Variants in REXO2 observed in about 807,000 individuals in gnomAD.
The protein encoded by REXO2 is RNA exonuclease 2.
REXO2 carries 17 observed loss-of-function variants against 30.9 expected under a neutral mutation model. The observed-to-expected ratio is 0.55, with a 90% CI of 0.38 to 0.82. The LOEUF (loss-of-function observed/expected upper bound fraction) is 0.82. Among genes scored for constraint, REXO2 ranks in the 40% least tolerant of loss-of-function variants. The pLI is 0.00. For synonymous variants in REXO2, 105 were observed against 99.6 expected (o/e 1.05, Z -0.32); for missense variants, 253 against 293.2 (o/e 0.86, Z 1.00).
intron 3 of REXO2, 183 bp from the exon 4 acceptor site, chr11:114,444,358 C>T: frequency 1.6e-6 from 1 of 638,046 alleles, no homozygotes; most frequent in South Asian, 1.7e-5. Flanking sequence ...ACTAAGTTGG[C>T]TTGGATTCTT....
chr11:114,440,529 T>A, intron 1 of REXO2, 127 bp from the exon 2 acceptor site: 1 of 686,950 alleles, frequency 1.5e-6, no homozygotes, highest in Non-Finnish European at 2.5e-6. Flanking sequence ...AGGAGCATTC[T>A]TTCTCTTCTG....
chr11:114,440,779 G>A lies in REXO2; in HGVS notation c.231+40G>A, dbSNP rs200061901. The A allele has an allele frequency of 2.9e-3, 4,056 of 1,404,984 alleles. 12 individuals carry two copies. Among genetic ancestry groups the A allele is most frequent in the Non-Finnish European group, 3.7e-3 (3,655 of 998,950 alleles). 87.0% of individuals were successfully genotyped at this position (1,404,984 alleles called of 1,614,324 possible). On this transcript the variant is annotated intron_variant, in intron 2 of 6. Transcript: ENST00000265881. ...GTAATACAGTCATACTTTTTAAAGG[G>A]CACTGGAAATATAACCATCATTTTT...
chr11:114,439,851 G>C, intron 1 of REXO2, 176 bp downstream of exon 1: 1 of 717,368 alleles, frequency 1.4e-6, no homozygotes, highest in East Asian at 2.9e-5. Context: ...GCGGGTGTTG[G>C]GCGCCGTGCT....
chr11:114,449,492 T>C (rs1946532228), intron 6 of REXO2, among the ~76,000 whole-genome samples: 1 of 152,140 alleles, frequency 6.6e-6, no homozygotes, highest in Non-Finnish European at 1.5e-5. Context: ...TACACATTAG[T>C]ATATTAAATG....
chr11:114,444,436 G>A, intron 3 of REXO2, 105 bp from the exon 4 acceptor site: 1 of 781,296 alleles, frequency 1.3e-6, no homozygotes, highest in Non-Finnish European at 2.2e-6. Context: ...TGGTCTATTT[G>A]TGGTTATATT....
Position 114,439,638 on chromosome 11 carries a change from A to C in REXO2, c.110A>C (p.Glu37Ala), listed in dbSNP as rs552665587. The change falls in exon 1 of 7, where the codon GAG becomes GCG. Residue 37 changes from glutamate (E) to alanine (A), a missense_variant. Coordinates refer to ENST00000265881, the MANE Select transcript of REXO2 (RefSeq NM_015523.4). The part of the protein sequence containing the change: ...REGGAAMAAG[E>A]SMAQRMVWVD... ...GGTGGCGCAGCCATGGCGGCAGGGG[A>C]GAGCATGGCTCAGCGGATGGTCTGG... 6.3e-7 allele frequency: 1 copy of C among 1,592,628 alleles called. No individual in the cohort carries two copies. Among genetic ancestry groups the C allele is most frequent in the East Asian group, 2.3e-5 (1 of 43,954 alleles).
chr11:114,440,426 A>C (rs1469752959), intron 1 of REXO2, among the ~76,000 whole-genome samples: 2 of 152,148 alleles, frequency 1.3e-5, no homozygotes, highest in Non-Finnish European at 2.9e-5. Flanking sequence ...TCTGTCCCGG[A>C]GTAGAATCTC....
In REXO2 at chr11:114,450,026, G is replaced by C. The variant is rs566084666; in HGVS notation, c.*51G>C. The C allele has an allele frequency of 6.5e-7, 1 of 1,532,164 alleles. No individual in the cohort carries two copies. Among genetic ancestry groups the C allele is most frequent in the Admixed American group, 2.2e-5 (1 of 45,806 alleles). 94.9% of individuals were successfully genotyped at this position (1,532,164 alleles called of 1,614,324 possible). On this transcript the variant is annotated 3_prime_UTR_variant, in exon 7 of 7. Coordinates refer to ENST00000265881, the MANE Select transcript of REXO2 (RefSeq NM_015523.4). The stretch of plus-strand genomic sequence containing the variant: ...TCGTTATCTGGAGGCAACTTCTGGT[G>C]GTTTTTTTTTCTCACGCTGATGGCT...
At chr11:114,440,798 C>T in intron 2 of REXO2, 59 bp downstream of exon 2, 1 of 1,254,000 alleles carries the variant, frequency 8.0e-7, no homozygotes. Flanking sequence ...ATATAACCAT[C>T]ATTTTTTCCA....
chr11:114,449,865 G>C lies in REXO2; in HGVS notation c.604G>C (p.Glu202Gln), dbSNP rs778088938. The change falls in exon 7 of 7, where the codon GAA becomes CAA. Residue 202 changes from glutamate to glutamine, a missense_variant. Transcript: ENST00000265881. ...TTATAGGGCACTTGATGACATTAGT[G>C]AAAGCATCAAAGAGCTTCAGTTTTA... ...ASHRALDDIS[E>Q]SIKELQFYRN... is the part of the protein sequence containing the mutation. 13 of 1,609,674 alleles carry C rather than the reference G, an allele frequency of 8.1e-6. No individual in the cohort carries two copies. The highest frequency in any genetic ancestry group is 1.0e-5 in the Non-Finnish European group (12 of 1,177,850).
intron 2 of REXO2, chr11:114,441,990 G>A: frequency 1.8e-6 from 1 of 541,786 alleles, no homozygotes; most frequent in Non-Finnish European, 3.3e-6. Flanking sequence ...ACTTACCCTT[G>A]GCCGAAGAAG....
Position 114,443,837 on chromosome 11 carries a change from T to G in REXO2, c.232-19T>G, listed in dbSNP as rs1413681241. The G allele has an allele frequency of 1.9e-6, 3 of 1,587,498 alleles. No homozygotes were observed. Among genetic ancestry groups the G allele is most frequent in the Non-Finnish European group, 1.7e-6 (2 of 1,162,282 alleles). On this transcript the variant is annotated intron_variant, in intron 2 of 6. Coordinates refer to ENST00000265881, the MANE Select transcript of REXO2 (RefSeq NM_015523.4). ...ATTCCTGTTGTTTCTTGGTGACTGA[T>G]GGCGTTTCCCATCCACAGGGTCCTA...
At chr11:114,449,265 A>G (rs1052037485) in intron 6 of REXO2, 5 of 152,308 alleles carry the variant, frequency 3.3e-5, no homozygotes, top group Non-Finnish European at 7.3e-5. Flanking sequence ...GATGTTTATT[A>G]TGATGACTGA....
intron 1 of REXO2, chr11:114,440,096 T>G: frequency 2.1e-6 from 1 of 469,320 alleles, no homozygotes; most frequent in Non-Finnish European, 4.2e-6. Flanking sequence ...TTACCCCTCA[T>G]TCCATAAGTG....
chr11:114,440,589 A>G lies in REXO2; in HGVS notation c.148-67A>G, dbSNP rs767499817. 8.9e-5 allele frequency: 108 copies of G among 1,210,896 alleles called. 1 individual carries two copies. Among genetic ancestry groups the G allele is most frequent in the Non-Finnish European group, 2.5e-5 (21 of 832,128 alleles). The allele number at this position is 1,210,896 out of a possible 1,614,324, so 75.0% of individuals were successfully genotyped here. A position where few individuals can be genotyped will look rare whatever the true frequency, so the allele number is the denominator to read the frequency against. ...CTATGTTTGAGGGAATTCCTGTTAA[A>G]TAAACTTGGGTAAAAGAGGCCAGAA... On this transcript the variant is annotated intron_variant, in intron 1 of 6. Transcript: ENST00000265881.
At chr11:114,444,456 TA>T in intron 3 of REXO2, 84 bp from the exon 4 acceptor site, 1 of 957,464 alleles carries the variant, frequency 1.0e-6, no homozygotes, top group Non-Finnish European at 1.7e-6. Flanking sequence ...TTGCCCATTT[TA>T]AAAGTGAAAT....
At chr11:114,440,105 T>A (rs370557798) in intron 1 of REXO2, 2 of 466,904 alleles carry the variant, frequency 4.3e-6, no homozygotes, top group African/African-American at 2.0e-5. Context: ...ATTCCATAAG[T>A]GAGAACATTG....
intron 6 of REXO2, chr11:114,448,794 T>C (rs143867494): frequency 5.2e-5 from 8 of 152,382 alleles, no homozygotes; most frequent in Admixed American, 3.9e-4. Flanking sequence ...TAGCCTCACA[T>C]TAAGATTGCT....
chr11:114,439,467 G>T lies in REXO2; in HGVS notation c.-62G>T, dbSNP rs1946458994. 1.3e-6 allele frequency: 2 copies of T among 1,582,912 alleles called. No individual in the cohort carries two copies. Among genetic ancestry groups the T allele is most frequent in the South Asian group, 1.1e-5 (1 of 88,754 alleles). On this transcript the variant is annotated 5_prime_UTR_variant, in exon 1 of 7. Coordinates refer to ENST00000265881, the MANE Select transcript of REXO2 (RefSeq NM_015523.4). ...TCCCCGTGGGTTTGCGACGTTTAGC[G>T]ACTATTGCGCCTGCGCCAGCGCCGG...
Sources: gnomAD v4.1 joint callset for allele counts (sites outside exome capture counted in the v4.1 genomes callset) on GRCh38, gnomAD v4.1.1 for gene constraint, MANE v1.5 for transcripts, NCBI Gene and HGNC (gene_info 2026-07-23, HGNC 2026-07-21) for gene names.